Variants in ANTXR1 observed in about 807,000 individuals in gnomAD.
ANTXR1 encodes ANTXR cell adhesion molecule 1, also known as anthrax toxin receptor 1.
In ANTXR1, 19 loss-of-function variants were observed where a neutral mutation model predicts 78.1. That is an observed-to-expected ratio of 0.24 (90% CI 0.17 to 0.36). The LOEUF is 0.36. Ranked by LOEUF, ANTXR1 falls within the 10% of genes least tolerant of loss-of-function variation. ANTXR1 has a pLI of 1.00. For synonymous variants in ANTXR1, 273 were observed against 260.5 expected (o/e 1.05, Z -0.46); for missense variants, 518 against 718.6 (o/e 0.72, Z 3.19).
At chr2:69,022,214 G>T (rs1322769300) in intron 1 of ANTXR1, among the ~76,000 whole-genome samples, 1 of 152,224 alleles carries the variant, frequency 6.6e-6, no homozygotes, top group Non-Finnish European at 1.5e-5. Context: ...TGCAGGGGCT[G>T]ATTCTGAGTT....
At chr2:69,016,375 G>A (rs1008534729) in intron 1 of ANTXR1, among the ~76,000 whole-genome samples, 1 of 152,082 alleles carries the variant, frequency 6.6e-6, no homozygotes, top group African/African-American at 2.4e-5. Flanking sequence ...TTTCCATCGA[G>A]CAATTTCATG....
chr2:69,114,285 A>T (rs1334087009), intron 10 of ANTXR1, among the ~76,000 whole-genome samples: 1 of 152,220 alleles, frequency 6.6e-6, no homozygotes, highest in Non-Finnish European at 1.5e-5. Context: ...ACAAATAACA[A>T]CACATATGGG....
At position 69,151,842 on chromosome 2, in the gene ANTXR1, G is replaced by A. The variant is rs183834192; in HGVS notation, c.952-327G>A. 2.4e-3 allele frequency among the ~76,000 whole-genome samples: 364 copies of A among 152,344 alleles called. 6 individuals are homozygous for A. Among genetic ancestry groups the A allele is most frequent in the Non-Finnish European group, 6.2e-4 (42 of 68,032 alleles). On this transcript the variant is annotated intron_variant, in intron 12 of 17. Transcript: ENST00000303714. ...AGTGAGGAGGCTGTCACCAGGCAGG[G>A]GATGGTGTTCCAGGGGGCCAGATGA...
At chr2:69,024,259 A>G (rs888703651) in intron 1 of ANTXR1, among the ~76,000 whole-genome samples, 2 of 152,124 alleles carry the variant, frequency 1.3e-5, no homozygotes, top group Non-Finnish European at 1.5e-5. Context: ...GTGCATGGAG[A>G]TGTTGAGTAG....
At chr2:69,179,589 G>C (rs565881360) in intron 14 of ANTXR1, among the ~76,000 whole-genome samples, 1 of 151,684 alleles carries the variant, frequency 6.6e-6, no homozygotes, top group East Asian at 1.9e-4. Context: ...GCGTGTATTT[G>C]TTGCCATCAA....
In ANTXR1 at chr2:69,068,489, C is replaced by T. The variant is rs191776924; in HGVS notation, c.297-2158C>T. Among the ~76,000 whole-genome samples the T allele has an allele frequency of 1.3e-3, 192 of 152,172 alleles. 1 individual carries two copies. Among genetic ancestry groups the T allele is most frequent in the Middle Eastern group, 3.4e-3 (1 of 294 alleles). On this transcript the variant is annotated intron_variant, in intron 3 of 17. Coordinates refer to ENST00000303714, the MANE Select transcript of ANTXR1 (RefSeq NM_032208.3). ...TGAAGAGCTGGTCAAATAGTGTTCC[C>T]GGGCAGCAGTGATTGCCGATGTGAA... is the stretch of plus-strand genomic sequence containing the variant.
rs1672399398 is a variant in ANTXR1, at chr2:69,122,929, G to C, written c.803-88G>C. 2.1e-6 allele frequency: 3 copies of C among 1,415,994 alleles called. No individual in the cohort carries two copies. The Admixed American group carries it at 5.0e-5, about 24-fold the overall frequency. The allele number at this position is 1,415,994 out of a possible 1,614,324, so 87.7% of individuals were successfully genotyped here. A position where few individuals can be genotyped will look rare whatever the true frequency, so the allele number is the denominator to read the frequency against. ...ATTTTTGTTTTTTTGGTATCTCCCT[G>C]GACTTGGTTGATGTTCTCTAGAAGT... is the stretch of plus-strand genomic sequence containing the variant. On this transcript the variant is annotated intron_variant, in intron 10 of 17. Transcript: ENST00000303714.
chr2:69,032,765 G>C (rs1009482100), intron 1 of ANTXR1, among the ~76,000 whole-genome samples: 3 of 152,190 alleles, frequency 2.0e-5, no homozygotes, highest in African/African-American at 4.8e-5. Context: ...TGTTGTGTGT[G>C]TGTGTGTGCA....
chr2:69,110,623 C>T (rs1199708371), intron 10 of ANTXR1, among the ~76,000 whole-genome samples: 6 of 152,152 alleles, frequency 3.9e-5, no homozygotes, highest in Admixed American at 2.0e-4. Flanking sequence ...CTTTGGGAGG[C>T]GGAGGCGGGC....
intron 17 of ANTXR1, among the ~76,000 whole-genome samples, chr2:69,233,027 T>C (rs1163352614): frequency 6.6e-6 from 1 of 152,136 alleles, no homozygotes; most frequent in Non-Finnish European, 1.5e-5. Flanking sequence ...TCTTGATGAA[T>C]TATTTTCTAA....
intron 9 of ANTXR1, among the ~76,000 whole-genome samples, chr2:69,091,347 A>G: frequency 6.7e-6 from 1 of 150,368 alleles, no homozygotes; most frequent in East Asian, 2.0e-4. Flanking sequence ...AGGCTGAGGA[A>G]GGAGAATCTC....
intron 12 of ANTXR1, among the ~76,000 whole-genome samples, chr2:69,144,234 C>T (rs1461503792): frequency 1.3e-5 from 2 of 152,186 alleles, no homozygotes; most frequent in Non-Finnish European, 2.9e-5. Flanking sequence ...GTGCAGAGGC[C>T]TCCAGCCTCC....
At chr2:69,090,983 T>G in intron 9 of ANTXR1, 64 bp downstream of exon 9, 1 of 1,525,074 alleles carries the variant, frequency 6.6e-7, no homozygotes, top group East Asian at 2.3e-5. Context: ...TCAAGTCACG[T>G]ATGTACTTCA....
chr2:69,119,017 G>A (rs1354833658), intron 10 of ANTXR1, among the ~76,000 whole-genome samples: 1 of 152,060 alleles, frequency 6.6e-6, no homozygotes, highest in Non-Finnish European at 1.5e-5. Context: ...GCCTTTGCAG[G>A]CCTCCCAGTG....
At chr2:69,170,347 G>C (rs1468056078) in intron 14 of ANTXR1, 58 bp downstream of exon 14, 1 of 1,600,588 alleles carries the variant, frequency 6.2e-7, no homozygotes, top group Non-Finnish European at 8.6e-7. Flanking sequence ...AGGGTGGAGA[G>C]CTGGCTGGGC....
In ANTXR1 at chr2:69,249,183, G is replaced by A. The variant is rs1176060277; in HGVS notation, c.*3698G>A. On this transcript the variant is annotated 3_prime_UTR_variant, in exon 18 of 18. Transcript: ENST00000303714. Reference sequence around the variant, plus strand: ...TTTCTTAAATCAACTCTTTTTTCTGGTTGTCTGTTTGTTATAAAGTGCAAC... The same window carrying A: ...TTTCTTAAATCAACTCTTTTTTCTGATTGTCTGTTTGTTATAAAGTGCAAC... 1 of 148,530 alleles carries A rather than the reference G, an allele frequency of 6.7e-6. No homozygotes were observed. Among genetic ancestry groups the A allele is most frequent in the South Asian group, 2.1e-4 (1 of 4,704 alleles). The allele number at this position is 148,530 out of a possible 1,614,324, so 9.2% of individuals were successfully genotyped here. A position where few individuals can be genotyped will look rare whatever the true frequency, so the allele number is the denominator to read the frequency against.
chr2:69,071,427 C>G (rs1670561569), intron 4 of ANTXR1, among the ~76,000 whole-genome samples: 1 of 152,202 alleles, frequency 6.6e-6, no homozygotes, highest in African/African-American at 2.4e-5. Flanking sequence ...AATGGTAATG[C>G]ATTGAACTAC....
At chr2:69,207,920 T>C (rs1674948399) in intron 17 of ANTXR1, among the ~76,000 whole-genome samples, 1 of 152,206 alleles carries the variant, frequency 6.6e-6, no homozygotes, top group East Asian at 1.9e-4. Context: ...TCTGGGGCTT[T>C]TTATGAACTC....
At chr2:69,182,792 A>C in intron 16 of ANTXR1, 132 bp downstream of exon 16, 1 of 1,189,608 alleles carries the variant, frequency 8.4e-7, no homozygotes, top group Non-Finnish European at 1.2e-6. Context: ...ATTATCTAAA[A>C]TTATGGACTT....
Sources: gnomAD v4.1 joint callset for allele counts (sites outside exome capture counted in the v4.1 genomes callset) on GRCh38, gnomAD v4.1.1 for gene constraint, MANE v1.5 for transcripts, NCBI Gene and HGNC (gene_info 2026-07-23, HGNC 2026-07-21) for gene names.